C5AR2: variants seen among roughly 807,000 people sequenced by gnomAD.
The protein encoded by C5AR2 is C5a anaphylatoxin chemotactic receptor 2.
For missense variants in C5AR2, 458 were observed against 467.5 expected, an observed-to-expected ratio of 0.98 and a Z score of 0.19; for synonymous variants, 224 against 216.5, an observed-to-expected ratio of 1.03 and a Z score of -0.30.
chr19:47,333,281 A>G (rs2122158628), intron 1 of C5AR2, among the ~76,000 whole-genome samples: 3 of 152,296 alleles, frequency 2.0e-5, no homozygotes, highest in Admixed American at 2.0e-4. Context: ...CTGGGATTAC[A>G]GGCGTGAATC....
In C5AR2 at chr19:47,341,964, T is replaced by C; in HGVS notation, c.*151T>C. 1 of 739,722 alleles carries C rather than the reference T, an allele frequency of 1.4e-6. No individual in the cohort carries two copies. Among genetic ancestry groups the C allele is most frequent in the Non-Finnish European group, 2.2e-6 (1 of 449,852 alleles). The allele number at this position is 739,722 out of a possible 1,614,324, so 45.8% of individuals were successfully genotyped here. On this transcript the variant is annotated 3_prime_UTR_variant, in exon 2 of 2. Coordinates refer to ENST00000595464, the MANE Select transcript of C5AR2 (RefSeq NM_001271749.2). The surrounding 1 kb of genome is among the most constrained non-coding windows in gnomAD (Gnocchi z 4.6). ...TCATGCACTTGCTATGTGCAAGGCC[T>C]TTTTAGGCACTAGAGATATAGCAGT... is the stretch of plus-strand genomic sequence containing the variant.
At position 47,341,537 on chromosome 19, in the gene C5AR2, G is replaced by C; in HGVS notation, c.738G>C (p.Trp246Cys). The change falls in exon 2 of 2, where the codon TGG becomes TGC. Residue 246 changes from tryptophan to cysteine, a missense_variant. Transcript: ENST00000595464. This position sits in a 1 kb window ranked among gnomAD's most constrained non-coding sequence, Gnocchi z 4.6. ...TAIVVGFFVC[W>C]APYHLLGLVL... is the part of the protein sequence containing the mutation. Reference sequence around the variant, plus strand: ...TTGTGGTGGGGTTTTTTGTCTGCTGGGCACCCTACCACCTGCTGGGGCTGG... The same window carrying C: ...TTGTGGTGGGGTTTTTTGTCTGCTGCGCACCCTACCACCTGCTGGGGCTGG... 6.2e-7 allele frequency: 1 copy of C among 1,612,634 alleles called. No individual in the cohort carries two copies. Among genetic ancestry groups the C allele is most frequent in the Non-Finnish European group, 8.5e-7 (1 of 1,179,658 alleles).
intron 1 of C5AR2, among the ~76,000 whole-genome samples, chr19:47,337,641 G>A (rs571115436): frequency 2.6e-4 from 39 of 150,638 alleles, no homozygotes; most frequent in Non-Finnish European, 4.2e-4. Flanking sequence ...CAGCCTGGAT[G>A]ACAGAGCGAG....
Position 47,345,859 on chromosome 19 carries a change from G to A in C5AR2, c.*4046G>A, listed in dbSNP as rs1418814167. ...CAAATTGAGGACCAGCTAAAACAGG[G>A]AGGAGGCTGAAGCAACTTATTATTT... On this transcript the variant is annotated 3_prime_UTR_variant, in exon 2 of 2. Transcript: ENST00000595464. 6.6e-6 allele frequency: 1 copy of A among 151,994 alleles called. No homozygotes were observed. Among genetic ancestry groups the A allele is most frequent in the African/African-American group, 2.4e-5 (1 of 41,400 alleles). 9.4% of individuals were successfully genotyped at this position (151,994 alleles called of 1,614,324 possible).
Position 47,346,776 on chromosome 19 carries a change from T to C in C5AR2, c.*4963T>C, listed in dbSNP as rs981519552. ...AAGGAAGGAAAGAAAGCAAGCTGTT[T>C]TCCCCTGCCTTGCCCCTGCTCACCT... On this transcript the variant is annotated 3_prime_UTR_variant, in exon 2 of 2. Transcript: ENST00000595464. 1.2e-4 allele frequency: 19 copies of C among 152,078 alleles called. No individual in the cohort carries two copies. The highest frequency in any genetic ancestry group is 4.6e-4 in the African/African-American group (19 of 41,406). 9.4% of individuals were successfully genotyped at this position (152,078 alleles called of 1,614,324 possible). A position where few individuals can be genotyped will look rare whatever the true frequency, so the allele number is the denominator to read the frequency against.
At position 47,341,307 on chromosome 19, in the gene C5AR2, G is replaced by A. The variant is rs1479076732; in HGVS notation, c.508G>A (p.Ala170Thr). The A allele has an allele frequency of 1.1e-5, 17 of 1,609,272 alleles. No homozygotes were observed. Among genetic ancestry groups the A allele is most frequent in the Non-Finnish European group, 1.4e-5 (16 of 1,179,864 alleles). The change falls in exon 2 of 2, where the codon GCC (alanine) becomes ACC (threonine). Residue 170 changes from alanine to threonine, a missense_variant. Physicochemically the swap from Ala to Thr is moderately conservative, Grantham distance 58. Transcript: ENST00000595464. The surrounding 1 kb of genome is among the most constrained non-coding windows in gnomAD (Gnocchi z 4.6). ...GGCCTTGCTGCTCACCGTGCCCTCC[G>A]CCATCTACCGCCGGCTGCACCAGGA... ...TLALLLTVPS[A>T]IYRRLHQEHF...
Position 47,342,562 on chromosome 19 carries a change from T to C in C5AR2, c.*749T>C, listed in dbSNP as rs1261320840. The C allele has an allele frequency of 1.3e-5, 2 of 151,420 alleles. No homozygotes were observed. Among genetic ancestry groups the C allele is most frequent in the Admixed American group, 1.3e-4 (2 of 15,172 alleles). The allele number at this position is 151,420 out of a possible 1,614,324, so 9.4% of individuals were successfully genotyped here. ...CATGCCCAGCTAATTTTTGTATTTT[T>C]AGTAGAGAAGGGGTTTCACCTTGTT... On this transcript the variant is annotated 3_prime_UTR_variant, in exon 2 of 2. Transcript: ENST00000595464.
chr19:47,346,259 G>C lies in C5AR2; in HGVS notation c.*4446G>C, dbSNP rs1969117958. ...TGCCATTGCCATGGCAACACACCCA[G>C]GAGTTACTGCCCCTTCCCATGGCAA... On this transcript the variant is annotated 3_prime_UTR_variant, in exon 2 of 2. Coordinates refer to ENST00000595464, the MANE Select transcript of C5AR2 (RefSeq NM_001271749.2). 1 of 149,848 alleles carries C rather than the reference G, an allele frequency of 6.7e-6. No homozygotes were observed. Among genetic ancestry groups the C allele is most frequent in the Admixed American group, 6.6e-5 (1 of 15,088 alleles). 9.3% of individuals were successfully genotyped at this position (149,848 alleles called of 1,614,324 possible).
At chr19:47,333,095 C>T (rs374100452) in intron 1 of C5AR2, among the ~76,000 whole-genome samples, 54 of 152,228 alleles carry the variant, frequency 3.5e-4, no homozygotes, top group African/African-American at 1.2e-3. Flanking sequence ...ACCTCCGCCT[C>T]CCAGGTTCAA....
At position 47,341,857 on chromosome 19, in the gene C5AR2, C is replaced by G. The variant is rs774731506; in HGVS notation, c.*44C>G. On this transcript the variant is annotated 3_prime_UTR_variant, in exon 2 of 2. Transcript: ENST00000595464. This position sits in a 1 kb window ranked among gnomAD's most constrained non-coding sequence, Gnocchi z 4.6. ...GTGTGTATCTTCTTATCTCATTTCA[C>G]AAGACTGGCTTCAGGCATAGCTGGA... The G allele has an allele frequency of 6.4e-7, 1 of 1,566,652 alleles. No homozygotes were observed. The highest frequency in any genetic ancestry group is 8.8e-7 in the Non-Finnish European group (1 of 1,142,562).
Position 47,341,386 on chromosome 19 carries a change from C to A in C5AR2, c.587C>A (p.Thr196Asn), listed in dbSNP as rs777669522. ...CVVDYGGSSSTENAVTAIRFL... is the reference protein window; with the variant it reads ...CVVDYGGSSSNENAVTAIRFL... ...GTGGACTACGGCGGCTCCTCCAGCA[C>A]CGAGAATGCGGTGACTGCCATCCGG... The change falls in exon 2 of 2, where the codon ACC becomes AAC. Residue 196 changes from threonine (T) to asparagine (N), a missense_variant. By Grantham distance (65) the Thr-to-Asn change is moderately conservative. Transcript: ENST00000595464. This position sits in a 1 kb window ranked among gnomAD's most constrained non-coding sequence, Gnocchi z 4.6. The A allele has an allele frequency of 4.3e-6, 7 of 1,612,468 alleles. No homozygotes were observed. Among genetic ancestry groups the A allele is most frequent in the Non-Finnish European group, 5.9e-6 (7 of 1,179,916 alleles).
chr19:47,336,808 C>G (rs1021133091), intron 1 of C5AR2, among the ~76,000 whole-genome samples: 3 of 152,086 alleles, frequency 2.0e-5, no homozygotes, highest in African/African-American at 7.2e-5. Flanking sequence ...GCCACTGCAC[C>G]TGGCTAAATT....
Position 47,341,206 on chromosome 19 carries a change from C to G in C5AR2, c.407C>G (p.Ala136Gly), listed in dbSNP as rs764591306. The G allele has an allele frequency of 1.2e-6, 2 of 1,601,046 alleles. No homozygotes were observed. Among genetic ancestry groups the G allele is most frequent in the Non-Finnish European group, 1.7e-6 (2 of 1,179,888 alleles). Reference sequence around the variant, plus strand: ...CTCAGTGCCGACCTCTGCTTCCTGGCTCTCGGGCCTGCCTGGTGGTCTACG... The same window carrying G: ...CTCAGTGCCGACCTCTGCTTCCTGGGTCTCGGGCCTGCCTGGTGGTCTACG... ...AALSADLCFL[A>G]LGPAWWSTVQ... is the part of the protein sequence containing the mutation. Residue 136 changes from alanine to glycine, a missense_variant, in exon 2 of 2, where the codon GCT becomes GGT. Coordinates refer to ENST00000595464, the MANE Select transcript of C5AR2 (RefSeq NM_001271749.2). The surrounding 1 kb of genome is among the most constrained non-coding windows in gnomAD (Gnocchi z 4.6).
rs138100197 is a variant in C5AR2 at position 47,344,329 on chromosome 19, G to A, written c.*2516G>A. The A allele has an allele frequency of 9.9e-5, 15 of 152,234 alleles. No individual in the cohort carries two copies. Among genetic ancestry groups the A allele is most frequent in the East Asian group, 3.9e-4 (2 of 5,184 alleles). The allele number at this position is 152,234 out of a possible 1,614,324, so 9.4% of individuals were successfully genotyped here. ...ATCACTGCACTCTAGCCTAGGTGACGGAGCGGGACCCTGCCGCTAAATAAA... is the reference window on the plus strand; with the variant it reads ...ATCACTGCACTCTAGCCTAGGTGACAGAGCGGGACCCTGCCGCTAAATAAA... On this transcript the variant is annotated 3_prime_UTR_variant, in exon 2 of 2. Transcript: ENST00000595464.
chr19:47,336,424 CTTTCTTTCTTT>C (rs2059358009), intron 1 of C5AR2, among the ~76,000 whole-genome samples: 2 of 121,912 alleles, frequency 1.6e-5, no homozygotes, highest in African/African-American at 6.3e-5. Context: ...TGTACTCTTT[CTTTCTTTCTTT>C]CCTTCCTTCC....
Position 47,341,454 on chromosome 19 carries a change from T to C in C5AR2, c.655T>C (p.Cys219Arg). The change falls in exon 2 of 2, where the codon TGC becomes CGC. Residue 219 changes from cysteine to arginine, a missense_variant. Cys to Arg is a radical substitution (Grantham distance 180). Transcript: ENST00000595464. This position sits in a 1 kb window ranked among gnomAD's most constrained non-coding sequence, Gnocchi z 4.6. The part of the protein sequence containing the change: ...FLGPLVAVAS[C>R]HSALLCWAAR... ...GGGGCCCCTGGTGGCCGTGGCCAGC[T>C]GCCACAGTGCCCTCCTGTGCTGGGC... 1 of 1,611,986 alleles carries C rather than the reference T, an allele frequency of 6.2e-7. No homozygotes were observed. Among genetic ancestry groups the C allele is most frequent in the Non-Finnish European group, 8.5e-7 (1 of 1,179,896 alleles).
intron 1 of C5AR2, among the ~76,000 whole-genome samples, chr19:47,336,071 G>A (rs1045942881): frequency 2.0e-5 from 3 of 151,830 alleles, no homozygotes; most frequent in Non-Finnish European, 2.9e-5. Flanking sequence ...AGGAATTTGA[G>A]GGTTTTTGTT....
chr19:47,337,411 C>T (rs1337071945), intron 1 of C5AR2, among the ~76,000 whole-genome samples: 1 of 152,182 alleles, frequency 6.6e-6, no homozygotes, highest in South Asian at 2.1e-4. Context: ...TGCCTGCAAT[C>T]CCAGCACTTT....
chr19:47,338,446 TA>T (rs11316034), intron 1 of C5AR2, among the ~76,000 whole-genome samples: 141,483 of 144,798 alleles, frequency 0.98, 69,129 homozygotes, highest in East Asian at 1. Flanking sequence ...TATCTGTCCC[TA>T]AAAAAAAAAA....
Sources: gnomAD v4.1 joint callset for allele counts (sites outside exome capture counted in the v4.1 genomes callset) on GRCh38, gnomAD v4.1.1 for gene constraint, Gnocchi (gnomAD v3.1) non-coding constraint, MANE v1.5 for transcripts, NCBI Gene and HGNC (gene_info 2026-07-23, HGNC 2026-07-21) for gene names.